Variants in ZSWIM6 observed in about 807,000 individuals in gnomAD.
ZSWIM6 encodes the protein zinc finger SWIM-type containing 6.
A neutral mutation model predicts 113.2 loss-of-function variants in ZSWIM6; 9 were observed. That is an observed-to-expected ratio of 0.08 (90% confidence interval 0.05 to 0.14). The LOEUF (loss-of-function observed/expected upper bound fraction) is 0.14. Ranked by LOEUF, ZSWIM6 falls within the 10% of genes least tolerant of loss-of-function variation. The pLI is 1.00. For synonymous variants in ZSWIM6, 611 were observed against 606.5 expected (o/e 1.01, Z -0.11); for missense variants, 1,162 against 1,552.2 (o/e 0.75, Z 4.22).
rs555688418 is a variant in ZSWIM6, at chr5:61,506,321, C to T, written c.1333+11911C>T. Among the ~76,000 whole-genome samples the T allele has an allele frequency of 2.6e-4, 40 of 152,202 alleles. 1 individual carries two copies. The highest frequency in any genetic ancestry group is 5.2e-4 in the Admixed American group (8 of 15,296). On this transcript the variant is annotated intron_variant, in intron 4 of 13. Coordinates refer to ENST00000252744, the MANE Select transcript of ZSWIM6 (RefSeq NM_020928.2). ...TTTCCAGGCCAGGTGTGGTGGCTCA[C>T]GCCTGTAATCCCAGCCTTTGGGAGG...
intron 1 of ZSWIM6, among the ~76,000 whole-genome samples, chr5:61,393,293 G>C (rs1052352923): frequency 6.6e-6 from 1 of 151,026 alleles, no homozygotes; most frequent in African/African-American, 2.4e-5. Flanking sequence ...TGATCCACCC[G>C]CCTCAGCCTC....
At chr5:61,384,494 T>A (rs1745553875) in intron 1 of ZSWIM6, among the ~76,000 whole-genome samples, 1 of 152,154 alleles carries the variant, frequency 6.6e-6, no homozygotes, top group South Asian at 2.1e-4. Context: ...AAGCCACCAC[T>A]CTCATAAAAC....
chr5:61,419,126 C>T (rs1260827665), intron 1 of ZSWIM6, among the ~76,000 whole-genome samples: 1 of 152,212 alleles, frequency 6.6e-6, no homozygotes, highest in African/African-American at 2.4e-5. Flanking sequence ...CCGGCCTCCT[C>T]TTTATAACTT....
intron 1 of ZSWIM6, among the ~76,000 whole-genome samples, chr5:61,378,864 A>G (rs1579963496): frequency 6.6e-6 from 1 of 152,084 alleles, no homozygotes; most frequent in East Asian, 1.9e-4. Flanking sequence ...CTACCCTTTC[A>G]GTTTTAAGCC....
At chr5:61,463,299 A>C (rs369409419) in intron 1 of ZSWIM6, among the ~76,000 whole-genome samples, 49 of 152,356 alleles carry the variant, frequency 3.2e-4, no homozygotes, top group African/African-American at 1.2e-3. Context: ...TAGGTTACAT[A>C]AGAAGCAAGA....
chr5:61,412,620 T>C (rs1746169417), intron 1 of ZSWIM6, among the ~76,000 whole-genome samples: 1 of 152,224 alleles, frequency 6.6e-6, no homozygotes, highest in Non-Finnish European at 1.5e-5. Flanking sequence ...GAAAACAGAT[T>C]GTCAAAACCA....
chr5:61,484,192 C>T (rs1271598219), intron 2 of ZSWIM6, among the ~76,000 whole-genome samples: 2 of 152,118 alleles, frequency 1.3e-5, no homozygotes, highest in Non-Finnish European at 2.9e-5. Context: ...GTGGATATGA[C>T]CCAAGCAGCT....
intron 1 of ZSWIM6, among the ~76,000 whole-genome samples, chr5:61,338,036 A>G (rs138680248): frequency 3.7e-4 from 57 of 152,210 alleles, no homozygotes; most frequent in African/African-American, 1.3e-3. Context: ...TTTAAAAGGA[A>G]TGGCCTTTTA....
At chr5:61,428,574 T>G (rs1026528631) in intron 1 of ZSWIM6, among the ~76,000 whole-genome samples, 1 of 151,978 alleles carries the variant, frequency 6.6e-6, no homozygotes, top group Admixed American at 6.6e-5. Context: ...TCTGGCTATG[T>G]TGATAAGGTT....
At chr5:61,461,529 C>A (rs1004517304) in intron 1 of ZSWIM6, among the ~76,000 whole-genome samples, 1 of 152,118 alleles carries the variant, frequency 6.6e-6, no homozygotes, top group African/African-American at 2.4e-5. Context: ...TGTGGCTAAG[C>A]CATAAGGTGG....
chr5:61,366,598 ATTTAGCTTTCTAG>A (rs928097386), intron 1 of ZSWIM6, among the ~76,000 whole-genome samples: 4 of 152,328 alleles, frequency 2.6e-5, no homozygotes, highest in South Asian at 2.1e-4. Flanking sequence ...TTTGTAGTGT[ATTTAGCTTTCTAG>A]TTTAGCTTTC....
intron 1 of ZSWIM6, among the ~76,000 whole-genome samples, chr5:61,433,475 G>GTTT (rs548695220): frequency 2.1e-5 from 3 of 143,688 alleles, no homozygotes; most frequent in Non-Finnish European, 4.6e-5. Context: ...AGACTTAGTT[G>GTTT]TTTTTTTTTT....
intron 2 of ZSWIM6, among the ~76,000 whole-genome samples, chr5:61,477,659 A>G (rs1747740443): frequency 6.6e-6 from 1 of 152,200 alleles, no homozygotes; most frequent in Non-Finnish European, 1.5e-5. Context: ...CTTGTATATC[A>G]GTCTATTCAG....
intron 1 of ZSWIM6, among the ~76,000 whole-genome samples, chr5:61,378,559 A>ATT (rs66744107): frequency 1.0e-4 from 15 of 147,660 alleles, no homozygotes; most frequent in Non-Finnish European, 2.0e-4. Context: ...CCTTTCAGAT[A>ATT]TTTTTTTTTT....
Position 61,505,728 on chromosome 5 carries a change from CCTCTCT to C in ZSWIM6, c.1333+11335_1333+11340del, listed in dbSNP as rs201304487. ...CCTCCCTTCCTTCCTTCCTTCCTTCCCTCTCTCTCTCTCTCTCTCTCTTTCTTTCTT... is the reference window on the plus strand; with the variant it reads ...CCTCCCTTCCTTCCTTCCTTCCTTCCCTCTCTCTCTCTCTCTTTCTTTCTT... On this transcript the variant is annotated intron_variant, in intron 4 of 13. Transcript: ENST00000252744. Among the ~76,000 whole-genome samples the C allele has an allele frequency of 2.9e-4, 36 of 123,910 alleles. 2 individuals carry two copies. The East Asian group carries it at 6.3e-3, about 22-fold the overall frequency. The allele number at this position is 123,910 out of a possible 152,430, so 81.3% of individuals were successfully genotyped here.
intron 1 of ZSWIM6, among the ~76,000 whole-genome samples, chr5:61,442,424 C>A (rs1746860062): frequency 1.3e-5 from 2 of 152,152 alleles, no homozygotes; most frequent in South Asian, 2.1e-4. Flanking sequence ...GTGTTTTGGG[C>A]AGCTCCATAC....
At chr5:61,450,272 G>A (rs1389155724) in intron 1 of ZSWIM6, among the ~76,000 whole-genome samples, 2 of 152,058 alleles carry the variant, frequency 1.3e-5, no homozygotes, top group African/African-American at 4.8e-5. Context: ...ATGGTGATTT[G>A]TTCAAATTCT....
intron 1 of ZSWIM6, among the ~76,000 whole-genome samples, chr5:61,453,370 C>T (rs1234653183): frequency 1.5e-5 from 2 of 134,548 alleles, no homozygotes; most frequent in East Asian, 4.1e-4. Flanking sequence ...TACGTCCACT[C>T]TCTCTCTCTT....
intron 9 of ZSWIM6, 122 bp downstream of exon 9, chr5:61,531,847 TG>T: frequency 9.0e-7 from 1 of 1,112,418 alleles, no homozygotes; most frequent in Non-Finnish European, 1.3e-6. Flanking sequence ...GCTATAGTCA[TG>T]GGGTATCAAA....
Sources: gnomAD v4.1 joint callset for allele counts (sites outside exome capture counted in the v4.1 genomes callset) on GRCh38, gnomAD v4.1.1 for gene constraint, MANE v1.5 for transcripts, NCBI Gene and HGNC (gene_info 2026-07-23, HGNC 2026-07-21) for gene names.